SDK1: variants seen among roughly 807,000 people sequenced by gnomAD.
SDK1 encodes protein sidekick-1.
SDK1 carries 157 observed loss-of-function variants against 245.5 expected under a neutral mutation model. The observed-to-expected ratio is 0.64, with a 90% CI of 0.56 to 0.73. SDK1 has a LOEUF of 0.73. Among genes scored for constraint, SDK1 ranks in the 30% least tolerant of loss-of-function variants. The probability of loss-of-function intolerance (pLI) is 0.00; values close to 1 mark genes in which losing one functional copy is unlikely to be tolerated. For missense variants in SDK1, 3,583 were observed against 3,002.3 expected, an observed-to-expected ratio of 1.19 and a Z score of -4.52; for synonymous variants, 1,647 against 1,278.5, an observed-to-expected ratio of 1.29 and a Z score of -6.15.
intron 4 of SDK1, among the ~76,000 whole-genome samples, chr7:3,819,129 T>C (rs1351190938): frequency 6.6e-6 from 1 of 152,208 alleles, no homozygotes; most frequent in Non-Finnish European, 1.5e-5. Context: ...AATGCTCTGT[T>C]CAGAAAGATT....
rs528900677 is a variant in SDK1 at position 4,152,505 on chromosome 7, C to G, written c.4625+3042C>G. On this transcript the variant is annotated intron_variant, in intron 30 of 44. Coordinates refer to ENST00000404826, the MANE Select transcript of SDK1 (RefSeq NM_152744.4). ...GGAAAAAAAATATCCAGCCACTATT[C>G]CTGAAGGCTTCTGAAGCCAAACAGA... is the stretch of plus-strand genomic sequence containing the variant. Among the ~76,000 whole-genome samples the G allele has an allele frequency of 2.7e-3, 411 of 152,312 alleles. 1 individual carries two copies. The highest frequency in any genetic ancestry group is 8.9e-3 in the African/African-American group (371 of 41,576).
intron 17 of SDK1, among the ~76,000 whole-genome samples, chr7:4,032,044 A>AT (rs1212538156): frequency 6.6e-6 from 1 of 150,406 alleles, no homozygotes; most frequent in East Asian, 1.9e-4. Flanking sequence ...AAAAAAAAAA[A>AT]GTACATAGAT....
chr7:3,384,466 A>T (rs1287415678), intron 1 of SDK1, among the ~76,000 whole-genome samples: 1 of 152,242 alleles, frequency 6.6e-6, no homozygotes. Flanking sequence ...GAAGAGTCAC[A>T]GTGTATACTC....
intron 20 of SDK1, among the ~76,000 whole-genome samples, chr7:4,074,723 C>T (rs1254814261): frequency 6.6e-6 from 1 of 151,002 alleles, no homozygotes; most frequent in African/African-American, 2.4e-5. Flanking sequence ...ACTTGCCAGG[C>T]ATGGTGGCAC....
chr7:3,976,015 A>G (rs12701328), intron 13 of SDK1, among the ~76,000 whole-genome samples: 1,234 of 3,166 alleles, frequency 0.39, 410 homozygotes, highest in East Asian at 0.48. Flanking sequence ...CACGCAGAGG[A>G]TCCTCCAGAG....
At chr7:4,001,212 C>T (rs1242869526) in intron 14 of SDK1, among the ~76,000 whole-genome samples, 4 of 152,332 alleles carry the variant, frequency 2.6e-5, no homozygotes, top group African/African-American at 9.6e-5. Context: ...AGAGGGGCCC[C>T]TGCTCCACCC....
intron 1 of SDK1, among the ~76,000 whole-genome samples, chr7:3,318,102 A>G (rs1300486268): frequency 1.3e-5 from 2 of 152,188 alleles, no homozygotes; most frequent in Non-Finnish European, 1.5e-5. Context: ...ACCCTTTGAC[A>G]TTATACAGAT....
chr7:3,601,781 C>T (rs1055440730), intron 1 of SDK1, among the ~76,000 whole-genome samples: 5 of 151,032 alleles, frequency 3.3e-5, no homozygotes, highest in Non-Finnish European at 7.4e-5. Flanking sequence ...CACCCATTAA[C>T]TCGTCATTTA....
chr7:4,178,258 G>C (rs1293691545), intron 34 of SDK1, among the ~76,000 whole-genome samples: 1 of 152,164 alleles, frequency 6.6e-6, no homozygotes, highest in African/African-American at 2.4e-5. Context: ...CCTGAACACA[G>C]GATAGGATGG....
intron 39 of SDK1, 75 bp from the exon 40 acceptor site, chr7:4,221,164 T>TG: frequency 6.4e-7 from 1 of 1,568,958 alleles, no homozygotes; most frequent in Non-Finnish European, 8.7e-7. Flanking sequence ...GACCCCCCAC[T>TG]GTGAAATCTC....
At position 4,110,759 on chromosome 7, in the gene SDK1, T is replaced by C; in HGVS notation, c.3421T>C (p.Tyr1141His). The change falls in exon 23 of 45, where the codon TAC (tyrosine) becomes CAC (histidine). Residue 1141 changes from tyrosine to histidine, a missense_variant. Physicochemically the swap from Tyr to His is moderately conservative, Grantham distance 83. Coordinates refer to ENST00000404826, the MANE Select transcript of SDK1 (RefSeq NM_152744.4). ...GCTGGAGATCCCAAACCTCACACCC[T>C]ACACTCACTACAGGTGAGAACAGCA... ...QMLEIPNLTP[Y>H]THYRFRMKQV... 1 of 1,609,324 alleles carries C rather than the reference T, an allele frequency of 6.2e-7. No homozygotes were observed. Among genetic ancestry groups the C allele is most frequent in the Non-Finnish European group, 8.5e-7 (1 of 1,175,648 alleles).
intron 5 of SDK1, among the ~76,000 whole-genome samples, chr7:3,824,982 G>T (rs185242763): frequency 6.6e-6 from 1 of 152,012 alleles, no homozygotes; most frequent in Non-Finnish European, 1.5e-5. Context: ...TCTCCACCCC[G>T]CTGCCCTGGT....
intron 43 of SDK1, among the ~76,000 whole-genome samples, chr7:4,244,285 C>T (rs905160771): frequency 1.3e-5 from 2 of 152,208 alleles, no homozygotes; most frequent in African/African-American, 2.4e-5. Flanking sequence ...ACTCACTCCT[C>T]GCAGCATGAG....
chr7:3,689,821 C>G (rs1420192934), intron 4 of SDK1, among the ~76,000 whole-genome samples: 1 of 152,190 alleles, frequency 6.6e-6, no homozygotes, highest in Non-Finnish European at 1.5e-5. Context: ...TATTTTGAGT[C>G]TGTGTCTACA....
chr7:3,427,435 C>T (rs1194661126), intron 1 of SDK1, among the ~76,000 whole-genome samples: 2 of 150,574 alleles, frequency 1.3e-5, no homozygotes, highest in African/African-American at 2.4e-5. Context: ...AGGAGAATCA[C>T]TTGAACCTGG....
chr7:3,761,260 C>CTTTTTTTTTTTTTT (rs71029692), intron 4 of SDK1, among the ~76,000 whole-genome samples: 4 of 93,728 alleles, frequency 4.3e-5, no homozygotes, highest in Non-Finnish European at 6.1e-5. Flanking sequence ...GCCCCCCCTC[C>CTTTTTTTTTTTTTT]TTTTTTTTTT....
At chr7:3,494,484 A>T (rs1421163542) in intron 1 of SDK1, among the ~76,000 whole-genome samples, 1 of 152,178 alleles carries the variant, frequency 6.6e-6, no homozygotes, top group Non-Finnish European at 1.5e-5. Flanking sequence ...GATTTGTGAA[A>T]GAATTTTTTT....
At chr7:3,376,078 T>TC (rs1334229614) in intron 1 of SDK1, among the ~76,000 whole-genome samples, 1 of 152,144 alleles carries the variant, frequency 6.6e-6, no homozygotes, top group East Asian at 1.9e-4. Context: ...ATGCCTGCAA[T>TC]CCTAGTGCTT....
rs200243342 is a variant in SDK1 at position 3,940,693 on chromosome 7, C to G, written c.848-10230C>G. Among the ~76,000 whole-genome samples, 5 of 152,028 alleles carry G rather than the reference C, an allele frequency of 3.3e-5. No individual in the cohort carries two copies. The East Asian group carries it at 9.6e-4, about 29-fold the overall frequency. ...AAAAATAGCCGGGTGTCGTGGCAGGCGCCTGTAATCCCAGCTACTCCGGAG... is the reference window on the plus strand; with the variant it reads ...AAAAATAGCCGGGTGTCGTGGCAGGGGCCTGTAATCCCAGCTACTCCGGAG... On this transcript the variant is annotated intron_variant, in intron 5 of 44. Transcript: ENST00000404826.
Sources: allele counts gnomAD v4.1 joint callset (sites outside exome capture counted in the v4.1 genomes callset), GRCh38; gene constraint gnomAD v4.1.1; transcripts MANE v1.5; gene names NCBI Gene and HGNC (gene_info 2026-07-23, HGNC 2026-07-21).